The following CNTNAP2 variants were observed in gnomAD, a reference collection of about 807,000 sequenced individuals.
CNTNAP2 encodes contactin associated protein 2.
A neutral mutation model predicts 155.2 loss-of-function variants in CNTNAP2; 98 were observed. That is an observed-to-expected ratio of 0.63 (90% confidence interval 0.54 to 0.75). The LOEUF (loss-of-function observed/expected upper bound fraction) is 0.75. Among genes scored for constraint, CNTNAP2 ranks in the 30% least tolerant of loss-of-function variants. The pLI, the probability that CNTNAP2 is intolerant of heterozygous loss-of-function variation, is 0.00. For missense variants in CNTNAP2, 1,727 were observed against 1,688.1 expected (o/e 1.02, Z -0.40); for synonymous variants, 651 against 631.2 (o/e 1.03, Z -0.47).
intron 11 of CNTNAP2, among the ~76,000 whole-genome samples, chr7:147,525,376 TG>T (rs1361730402): frequency 6.6e-6 from 1 of 151,998 alleles, no homozygotes; most frequent in Admixed American, 6.6e-5. Flanking sequence ...ATATTATAAG[TG>T]GGCAAAGACA....
At chr7:148,166,650 AG>A (rs1805667712) in intron 17 of CNTNAP2, among the ~76,000 whole-genome samples, 1 of 152,326 alleles carries the variant, frequency 6.6e-6, no homozygotes, top group African/African-American at 2.4e-5. Context: ...ATACTTGCAA[AG>A]CATTTCACAA....
intron 1 of CNTNAP2, among the ~76,000 whole-genome samples, chr7:146,197,827 T>C (rs1427925457): frequency 6.6e-6 from 1 of 152,162 alleles, no homozygotes; most frequent in Non-Finnish European, 1.5e-5. Context: ...TATTAGCCCA[T>C]TTTCACACTG....
At chr7:147,552,628 T>G (rs957524845) in intron 11 of CNTNAP2, among the ~76,000 whole-genome samples, 1 of 149,500 alleles carries the variant, frequency 6.7e-6, no homozygotes, top group Non-Finnish European at 1.5e-5. Flanking sequence ...ATAAGAAAAA[T>G]CTACACTTCC....
At position 146,792,915 on chromosome 7, in the gene CNTNAP2, T is replaced by C. The variant is rs76244788; in HGVS notation, c.208+18534T>C. On this transcript the variant is annotated intron_variant, in intron 2 of 23. Transcript: ENST00000361727. The stretch of plus-strand genomic sequence containing the variant: ...TGTGTTCAGAACATGTTGTAGTCTA[T>C]GTCAGCACTGTCTGGTAAAATACAT... 2.4e-3 allele frequency among the ~76,000 whole-genome samples: 359 copies of C among 152,320 alleles called. 3 individuals carry two copies. The highest frequency in any genetic ancestry group is 8.2e-3 in the African/African-American group (340 of 41,572).
intron 1 of CNTNAP2, among the ~76,000 whole-genome samples, chr7:146,562,640 A>G (rs1798297448): frequency 6.6e-6 from 1 of 152,182 alleles, no homozygotes. Context: ...AATTATGTTT[A>G]ACGCTACTGT....
chr7:146,475,007 GCGCGCGCA>G (rs1796855451), intron 1 of CNTNAP2, among the ~76,000 whole-genome samples: 1 of 128,086 alleles, frequency 7.8e-6, no homozygotes, highest in East Asian at 2.2e-4. Flanking sequence ...GCACGCGCGC[GCGCGCGCA>G]CACACACACA....
Position 147,083,871 on chromosome 7 carries a change from A to T in CNTNAP2, c.551-24276A>T, listed in dbSNP as rs1447140713. Among the ~76,000 whole-genome samples, 3 of 140,730 alleles carry T rather than the reference A, an allele frequency of 2.1e-5. No homozygotes were observed. In the Admixed American group the frequency reaches 2.2e-4, roughly 11 times the overall value. The allele number at this position is 140,730 out of a possible 152,430, so 92.3% of individuals were successfully genotyped here. On this transcript the variant is annotated intron_variant, in intron 4 of 23. Coordinates refer to ENST00000361727, the MANE Select transcript of CNTNAP2 (RefSeq NM_014141.6). Reference sequence around the variant, plus strand: ...TATATACATATACACATGTATGTACATATTATATACATATACACATGTATG... The same window carrying T: ...TATATACATATACACATGTATGTACTTATTATATACATATACACATGTATG...
At chr7:146,592,384 C>T (rs1798796324) in intron 1 of CNTNAP2, among the ~76,000 whole-genome samples, 1 of 152,330 alleles carries the variant, frequency 6.6e-6, no homozygotes, top group African/African-American at 2.4e-5. Flanking sequence ...GCCTGTGGAC[C>T]AGATGGTCCC....
At chr7:146,532,129 A>G (rs1234160481) in intron 1 of CNTNAP2, among the ~76,000 whole-genome samples, 1 of 152,216 alleles carries the variant, frequency 6.6e-6, no homozygotes, top group Non-Finnish European at 1.5e-5. Context: ...GTGAATATTT[A>G]CAATGAGGAG....
At chr7:147,109,412 G>T (rs1482515589) in intron 5 of CNTNAP2, among the ~76,000 whole-genome samples, 6 of 152,122 alleles carry the variant, frequency 3.9e-5, no homozygotes, top group African/African-American at 1.4e-4. Context: ...AAGACTTTAG[G>T]AGGAATTCTA....
chr7:147,666,085 G>A (rs1795689238), intron 13 of CNTNAP2, among the ~76,000 whole-genome samples: 1 of 152,030 alleles, frequency 6.6e-6, no homozygotes, highest in Non-Finnish European at 1.5e-5. Context: ...ATTTATTTTA[G>A]CTGTAGGACG....
chr7:147,147,497 C>T (rs1329063729), intron 8 of CNTNAP2, among the ~76,000 whole-genome samples: 1 of 152,138 alleles, frequency 6.6e-6, no homozygotes, highest in Admixed American at 6.6e-5. Context: ...CAAAGTGTGT[C>T]CCTTAGAGCT....
intron 1 of CNTNAP2, among the ~76,000 whole-genome samples, chr7:146,240,178 AT>A (rs960063569): frequency 4.6e-5 from 7 of 152,106 alleles, no homozygotes; most frequent in Non-Finnish European, 1.0e-4. Context: ...TCCTGCCTAA[AT>A]TTTTTGCTCA....
At chr7:146,277,592 A>G (rs1800183780) in intron 1 of CNTNAP2, among the ~76,000 whole-genome samples, 1 of 152,186 alleles carries the variant, frequency 6.6e-6, no homozygotes, top group Admixed American at 6.5e-5. Context: ...GCTTTGGAAG[A>G]AGCTTTTATT....
chr7:146,118,895 T>C (rs1797524228), intron 1 of CNTNAP2, among the ~76,000 whole-genome samples: 1 of 152,108 alleles, frequency 6.6e-6, no homozygotes, highest in East Asian at 1.9e-4. Context: ...GGCTTTTTAT[T>C]TCGTTTGAAT....
chr7:146,950,314 T>C (rs1797282516), intron 3 of CNTNAP2, among the ~76,000 whole-genome samples: 1 of 152,152 alleles, frequency 6.6e-6, no homozygotes, highest in Non-Finnish European at 1.5e-5. Context: ...TTCTTTCTTT[T>C]TTTATAATAC....
At chr7:148,388,990 A>G (rs888229576) in intron 22 of CNTNAP2, among the ~76,000 whole-genome samples, 3 of 152,052 alleles carry the variant, frequency 2.0e-5, no homozygotes, top group Non-Finnish European at 4.4e-5. Context: ...GGGGTCAGAG[A>G]CCCACTTGAG....
intron 1 of CNTNAP2, among the ~76,000 whole-genome samples, chr7:146,517,049 A>T (rs1008260388): frequency 6.6e-6 from 1 of 151,956 alleles, no homozygotes; most frequent in African/African-American, 2.4e-5. Context: ...ACAATTCATA[A>T]GTTTTAAATC....
chr7:146,251,286 GTTATC>G (rs1458340624), intron 1 of CNTNAP2, among the ~76,000 whole-genome samples: 2 of 151,946 alleles, frequency 1.3e-5, no homozygotes, highest in East Asian at 1.9e-4. Context: ...AATAAATTTT[GTTATC>G]TTAATTTTAT....
Sources: gnomAD v4.1 joint callset for allele counts (sites outside exome capture counted in the v4.1 genomes callset) on GRCh38, gnomAD v4.1.1 for gene constraint, MANE v1.5 for transcripts, NCBI Gene and HGNC (gene_info 2026-07-23, HGNC 2026-07-21) for gene names.